The following KIF11 variants were observed in gnomAD, a reference collection of about 807,000 sequenced individuals.
KIF11 encodes kinesin-like protein KIF11.
KIF11 carries 9 observed loss-of-function variants against 121.0 expected under a neutral mutation model. The ratio of observed to expected loss-of-function variants is 0.07; its 90% CI spans 0.04 to 0.13. The LOEUF is 0.13. Among genes scored for constraint, KIF11 ranks in the 10% least tolerant of loss-of-function variants. The probability of loss-of-function intolerance (pLI) is 1.00; values close to 1 mark genes in which losing one functional copy is unlikely to be tolerated. For missense variants in KIF11, 846 were observed against 1,217.5 expected (o/e 0.69, Z 4.54); for synonymous variants, 408 against 421.0 (o/e 0.97, Z 0.38).
chr10:92,620,652 C>G (rs1844607011), intron 9 of KIF11, among the ~76,000 whole-genome samples: 1 of 152,140 alleles, frequency 6.6e-6, no homozygotes. Context: ...GTTTATTGGA[C>G]TTATAGTTCC....
intron 14 of KIF11, among the ~76,000 whole-genome samples, chr10:92,636,366 C>G (rs1470700355): frequency 6.6e-6 from 1 of 152,146 alleles, no homozygotes; most frequent in Non-Finnish European, 1.5e-5. Context: ...TGGCTCATCT[C>G]AGCACTTTGG....
chr10:92,632,810 AC>A, intron 13 of KIF11, 117 bp downstream of exon 13: 1 of 546,858 alleles, frequency 1.8e-6, no homozygotes, highest in Non-Finnish European at 3.1e-6. Context: ...CCATGCACAA[AC>A]TATTTGTTCA....
chr10:92,628,989 T>G (rs1366569454), intron 11 of KIF11, 94 bp downstream of exon 11: 1 of 586,990 alleles, frequency 1.7e-6, no homozygotes, highest in African/African-American at 2.0e-5. Context: ...CCTTCAAGAT[T>G]TTTTTTTTTT....
rs1187417302 is a variant in KIF11 at position 92,639,908 on chromosome 10, A to C, written c.2267+8A>C. ...CCAGGAAAATATACAGCAGTAAGCT[A>C]TTTTTAAATTCTCTTAAACTTTTCT... On this transcript the variant is annotated splice_region_variant and intron_variant, in intron 17 of 21. Transcript: ENST00000260731. 7 of 1,436,232 alleles carry C rather than the reference A, an allele frequency of 4.9e-6. No individual in the cohort carries two copies. Among genetic ancestry groups the C allele is most frequent in the Non-Finnish European group, 6.8e-6 (7 of 1,031,652 alleles). 89.0% of individuals were successfully genotyped at this position (1,436,232 alleles called of 1,614,324 possible). A position where few individuals can be genotyped will look rare whatever the true frequency, so the allele number is the denominator to read the frequency against.
intron 6 of KIF11, among the ~76,000 whole-genome samples, 199 bp from the exon 7 acceptor site, chr10:92,612,841 G>A (rs1844512067): frequency 6.6e-6 from 1 of 152,090 alleles, no homozygotes; most frequent in African/African-American, 2.4e-5. Context: ...TCTTTTGCAG[G>A]CAGTAGATAT....
At chr10:92,598,612 T>C (rs764691841) in intron 1 of KIF11, among the ~76,000 whole-genome samples, 59 of 152,224 alleles carry the variant, frequency 3.9e-4, no homozygotes, top group Non-Finnish European at 7.3e-4. Flanking sequence ...GATGAATTTT[T>C]CTATTTTTGT....
intron 3 of KIF11, 64 bp downstream of exon 3, chr10:92,606,780 G>A (rs1844435194): frequency 3.3e-6 from 3 of 906,310 alleles, no homozygotes; most frequent in Non-Finnish European, 5.5e-6. Context: ...TTTTGTTGTT[G>A]TTTGTTTGTT....
Position 92,645,415 on chromosome 10 carries a change from G to A in KIF11, c.2320G>A (p.Ala774Thr). 2 of 1,613,234 alleles carry A rather than the reference G, an allele frequency of 1.2e-6. No homozygotes were observed. Among genetic ancestry groups the A allele is most frequent in the Non-Finnish European group, 1.7e-6 (2 of 1,179,426 alleles). The change falls in exon 18 of 22, where the codon GCT (alanine) becomes ACT (threonine). Residue 774 changes from alanine to threonine, a missense_variant. Coordinates refer to ENST00000260731, the MANE Select transcript of KIF11 (RefSeq NM_004523.4). ...KMTFHSQKFCADSDGFSQELR... is the reference protein window; with the variant it reads ...KMTFHSQKFCTDSDGFSQELR... ...GACTTTTCACAGTCAAAAATTTTGT[G>A]CTGATTCTGATGGCTTCTCACAGGA...
intron 12 of KIF11, among the ~76,000 whole-genome samples, chr10:92,630,750 C>T (rs1328362893): frequency 6.6e-6 from 1 of 150,860 alleles, no homozygotes; most frequent in Non-Finnish European, 1.5e-5. Context: ...CCTGTAATCC[C>T]AGCTACTCGG....
chr10:92,634,555 T>C (rs1844776170), intron 14 of KIF11, among the ~76,000 whole-genome samples: 1 of 152,220 alleles, frequency 6.6e-6, no homozygotes, highest in Admixed American at 6.5e-5. Context: ...ATTACAGGCG[T>C]GAGCCACCGT....
intron 10 of KIF11, among the ~76,000 whole-genome samples, chr10:92,622,772 A>C (rs2135910570): frequency 6.6e-6 from 1 of 152,266 alleles, no homozygotes; most frequent in Non-Finnish European, 1.5e-5. Flanking sequence ...TAAAGAAAAG[A>C]GGTTTAATTG....
Position 92,613,975 on chromosome 10 carries a change from C to CA in KIF11, c.1032+368dup, listed in dbSNP as rs781153528. 0.03 allele frequency among the ~76,000 whole-genome samples: 2,592 copies of CA among 86,088 alleles called. 37 individuals are homozygous for CA. The highest frequency in any genetic ancestry group is 0.062 in the Admixed American group (460 of 7,432). 56.5% of individuals were successfully genotyped at this position (86,088 alleles called of 152,430 possible). A position where few individuals can be genotyped will look rare whatever the true frequency, so the allele number is the denominator to read the frequency against. On this transcript the variant is annotated intron_variant, in intron 8 of 21. Coordinates refer to ENST00000260731, the MANE Select transcript of KIF11 (RefSeq NM_004523.4). This position sits in a 1 kb window ranked among gnomAD's most constrained non-coding sequence, Gnocchi z 4.2. ...TGGGTGGCAGAGGGAGACCCCATCT[C>CA]AAAAAAAAAAAAGTATGTGTATAAA...
In KIF11 at chr10:92,593,171, C is replaced by A; in HGVS notation, c.-205C>A. ...GGCGGAGACGAGATTAGTGATTTGG[C>A]GGCTCCGACTGGCGCGGGACAAACG... On this transcript the variant is annotated 5_prime_UTR_variant, in exon 1 of 22. Coordinates refer to ENST00000260731, the MANE Select transcript of KIF11 (RefSeq NM_004523.4). 2 of 540,444 alleles carry A rather than the reference C, an allele frequency of 3.7e-6. No homozygotes were observed. The highest frequency in any genetic ancestry group is 4.8e-5 in the South Asian group (2 of 41,860). The allele number at this position is 540,444 out of a possible 1,614,324, so 33.5% of individuals were successfully genotyped here.
chr10:92,615,870 C>T (rs1392387836), intron 8 of KIF11, among the ~76,000 whole-genome samples: 8 of 144,062 alleles, frequency 5.6e-5, no homozygotes, highest in African/African-American at 2.1e-4. Context: ...GATGGAGTCT[C>T]GCTCTGTTGC....
In KIF11 at chr10:92,607,176, C is replaced by G; in HGVS notation, c.326C>G (p.Thr109Ser). Residue 109 changes from threonine to serine, a missense_variant, in exon 4 of 22, where the codon ACT (threonine) becomes AGT (serine). Physicochemically the swap from Thr to Ser is moderately conservative, Grantham distance 58. Around this residue, in one of 5 missense-constraint regions of KIF11, gnomAD observed 140 missense variants for 193.5 expected, o/e 0.72. Coordinates refer to ENST00000260731, the MANE Select transcript of KIF11 (RefSeq NM_004523.4). ...CTTTACAGGTATGGCCAAACTGGCA[C>G]TGGAAAAACTTTTACAATGGAAGGT... Reference protein sequence around the residue: ...CTIFAYGQTGTGKTFTMEGER... With the variant: ...CTIFAYGQTGSGKTFTMEGER... 1 of 1,607,626 alleles carries G rather than the reference C, an allele frequency of 6.2e-7. No individual in the cohort carries two copies. Among genetic ancestry groups the G allele is most frequent in the Non-Finnish European group, 8.5e-7 (1 of 1,174,500 alleles).
At chr10:92,637,632 T>C in intron 16 of KIF11, 87 bp downstream of exon 16, 5 of 1,304,616 alleles carry the variant, frequency 3.8e-6, no homozygotes, top group Non-Finnish European at 5.3e-6. Context: ...TGTTACACAA[T>C]CTGAATACTG....
At chr10:92,641,046 C>T (rs1372364278) in intron 17 of KIF11, among the ~76,000 whole-genome samples, 1 of 152,210 alleles carries the variant, frequency 6.6e-6, no homozygotes, top group Non-Finnish European at 1.5e-5. Flanking sequence ...CTGCTCCCAG[C>T]CTGTATTAGA....
intron 10 of KIF11, 146 bp from the exon 11 acceptor site, chr10:92,628,662 C>T (rs1257179877): frequency 6.6e-6 from 3 of 456,424 alleles, no homozygotes; most frequent in African/African-American, 4.1e-5. Flanking sequence ...CTTATTGACA[C>T]AGGTATCAAG....
chr10:92,609,246 T>A (rs555490719), intron 5 of KIF11, 41 bp downstream of exon 5: 1 of 1,524,326 alleles, frequency 6.6e-7, no homozygotes, highest in African/African-American at 1.4e-5. Flanking sequence ...TGAATTTTAA[T>A]GTGTGAGGCT....
Sources: gnomAD v4.1 joint callset for allele counts (sites outside exome capture counted in the v4.1 genomes callset) on GRCh38, gnomAD v4.1.1 for gene constraint, gnomAD v4.1.1 regional missense constraint, Gnocchi (gnomAD v3.1) non-coding constraint, MANE v1.5 for transcripts, NCBI Gene and HGNC (gene_info 2026-07-23, HGNC 2026-07-21) for gene names.